The following MLLT3 variants were observed in gnomAD, a reference collection of about 807,000 sequenced individuals.
MLLT3 encodes MLLT3 super elongation complex subunit, also known as protein AF-9.
Under a neutral mutation model 53.2 loss-of-function variants are expected in MLLT3, and 4 were observed. The ratio of observed to expected loss-of-function variants is 0.08; its 90% CI spans 0.04 to 0.17. The LOEUF (loss-of-function observed/expected upper bound fraction) is 0.17, where lower values mean the gene tolerates loss of function less well. Among genes scored for constraint, MLLT3 ranks in the 10% least tolerant of loss-of-function variants. The pLI is 1.00. For synonymous variants in MLLT3, 283 were observed against 230.6 expected (o/e 1.23, Z -2.06); for missense variants, 569 against 684.0 (o/e 0.83, Z 1.87).
At chr9:20,406,324 C>T (rs544439308) in intron 5 of MLLT3, among the ~76,000 whole-genome samples, 6 of 152,092 alleles carry the variant, frequency 3.9e-5, no homozygotes, top group Non-Finnish European at 7.3e-5. Flanking sequence ...CAAAGACCAG[C>T]TCAAATTCTA....
At chr9:20,494,581 C>T (rs757100288) in intron 2 of MLLT3, among the ~76,000 whole-genome samples, 27 of 152,056 alleles carry the variant, frequency 1.8e-4, no homozygotes, top group Non-Finnish European at 3.8e-4. Context: ...ATATTCAAAA[C>T]CTATCTATTT....
intron 2 of MLLT3, among the ~76,000 whole-genome samples, chr9:20,550,484 G>A (rs572270027): frequency 6.6e-6 from 1 of 152,256 alleles, no homozygotes; most frequent in South Asian, 2.1e-4. Flanking sequence ...AGGCTGGAAT[G>A]CAGTGGCACA....
intron 2 of MLLT3, among the ~76,000 whole-genome samples, chr9:20,521,110 C>T (rs1818045844): frequency 6.6e-6 from 1 of 150,702 alleles, no homozygotes; most frequent in Admixed American, 6.6e-5. Context: ...CTTGCTCTGT[C>T]ACCCAAGCTG....
intron 5 of MLLT3, among the ~76,000 whole-genome samples, chr9:20,402,413 G>A (rs1028393341): frequency 6.6e-6 from 1 of 152,154 alleles, no homozygotes; most frequent in Non-Finnish European, 1.5e-5. Context: ...TGGTCTGAAG[G>A]ATGACTCATT....
chr9:20,548,997 T>C (rs1248497914), intron 2 of MLLT3, among the ~76,000 whole-genome samples: 1 of 151,968 alleles, frequency 6.6e-6, no homozygotes, highest in Non-Finnish European at 1.5e-5. Context: ...GTATTTTTTG[T>C]AGAGAGGGGG....
chr9:20,402,953 G>T (rs1014250190), intron 5 of MLLT3, among the ~76,000 whole-genome samples: 7 of 152,176 alleles, frequency 4.6e-5, no homozygotes, highest in African/African-American at 1.7e-4. Context: ...AAATAAGTGT[G>T]TAAGGGCTAG....
At chr9:20,353,638 G>T (rs1821092525) in intron 9 of MLLT3, 42 bp from the exon 10 acceptor site, 1 of 1,513,446 alleles carries the variant, frequency 6.6e-7, no homozygotes, top group Non-Finnish European at 9.2e-7. Context: ...AGCACTTTAA[G>T]TAGTAGTTCA....
At chr9:20,588,839 C>T (rs1820048884) in intron 2 of MLLT3, among the ~76,000 whole-genome samples, 1 of 152,052 alleles carries the variant, frequency 6.6e-6, no homozygotes, top group Admixed American at 6.5e-5. Context: ...AAAAAATGCT[C>T]ACCATCACTG....
At position 20,414,308 on chromosome 9, in the gene MLLT3, T is replaced by C. The variant is rs1275343937; in HGVS notation, c.538A>G (p.Ser180Gly). ...SSSSSSSSSS[S>G]SSSSSSSSSS... is the part of the protein sequence containing the mutation. ...CTGCTGCTGCTGCTGCTACTGCTGC[T>C]GCTACTGCTGCTGCTGCTGCTGCTG... Residue 180 changes from serine (S) to glycine (G), a missense_variant, in exon 5 of 11, where the codon AGC becomes GGC. Transcript: ENST00000380338. The C allele has an allele frequency of 6.2e-7, 1 of 1,610,268 alleles. No homozygotes were observed. Among genetic ancestry groups the C allele is most frequent in the Non-Finnish European group, 8.5e-7 (1 of 1,178,488 alleles).
intron 4 of MLLT3, among the ~76,000 whole-genome samples, chr9:20,438,949 C>T (rs1823475259): frequency 6.6e-6 from 1 of 152,100 alleles, no homozygotes; most frequent in Non-Finnish European, 1.5e-5. Context: ...CATTATTTTA[C>T]CATTTCACAC....
chr9:20,347,876 A>G lies in MLLT3; in HGVS notation c.1576-1302T>C, dbSNP rs555207730. On this transcript the variant is annotated intron_variant, in intron 10 of 10. Transcript: ENST00000380338. The stretch of plus-strand genomic sequence containing the variant: ...TATTTAATGAAGTTTTAGATTACCT[A>G]ATGCCACGCTGAGTAACAGCAGAAC... Among the ~76,000 whole-genome samples, 12 of 152,322 alleles carry G rather than the reference A, an allele frequency of 7.9e-5. No individual in the cohort carries two copies. The South Asian group carries it at 1.4e-3, about 18-fold the overall frequency.
intron 2 of MLLT3, among the ~76,000 whole-genome samples, chr9:20,514,560 A>G (rs773717640): frequency 5.3e-5 from 8 of 151,766 alleles, no homozygotes; most frequent in Non-Finnish European, 1.0e-4. Flanking sequence ...TAGGTCCCCC[A>G]TATCAAATGA....
At chr9:20,363,367 A>G in intron 7 of MLLT3, 109 bp downstream of exon 7, 1 of 1,311,064 alleles carries the variant, frequency 7.6e-7, no homozygotes, top group East Asian at 2.4e-5. Flanking sequence ...GAATGTGACC[A>G]TCTACTGCCG....
intron 2 of MLLT3, among the ~76,000 whole-genome samples, chr9:20,590,820 C>T (rs914546432): frequency 2.0e-5 from 3 of 152,112 alleles, no homozygotes; most frequent in African/African-American, 4.8e-5. Context: ...ACTGCAGCCT[C>T]GAATTCCTGG....
At chr9:20,506,761 T>C (rs1159576710) in intron 2 of MLLT3, among the ~76,000 whole-genome samples, 1 of 152,242 alleles carries the variant, frequency 6.6e-6, no homozygotes, top group Non-Finnish European at 1.5e-5. Context: ...GAACTTAGTG[T>C]TCTTACTTTT....
chr9:20,475,225 C>T (rs1329727121), intron 2 of MLLT3, among the ~76,000 whole-genome samples: 2 of 152,098 alleles, frequency 1.3e-5, no homozygotes, highest in African/African-American at 2.4e-5. Context: ...GCAGAAATGT[C>T]AGCCACTTGA....
intron 8 of MLLT3, among the ~76,000 whole-genome samples, chr9:20,356,468 A>G (rs1821173748): frequency 6.6e-6 from 1 of 152,070 alleles, no homozygotes; most frequent in Non-Finnish European, 1.5e-5. Flanking sequence ...CAGCGCTGAG[A>G]CCTAGGAGCA....
At position 20,345,680 on chromosome 9, in the gene MLLT3, T is replaced by A; in HGVS notation, c.*763A>T. On this transcript the variant is annotated 3_prime_UTR_variant, in exon 11 of 11. Coordinates refer to ENST00000380338, the MANE Select transcript of MLLT3 (RefSeq NM_004529.4). ...GACTAAGGCTAGACAGCAATTCATA[T>A]GATCCTATTTGGTGCATTTTCTACC... 1 of 216,230 alleles carries A rather than the reference T, an allele frequency of 4.6e-6. No homozygotes were observed. Among genetic ancestry groups the A allele is most frequent in the Non-Finnish European group, 9.3e-6 (1 of 107,056 alleles). The allele number at this position is 216,230 out of a possible 1,614,324, so 13.4% of individuals were successfully genotyped here.
intron 2 of MLLT3, among the ~76,000 whole-genome samples, chr9:20,526,246 G>A (rs1210144112): frequency 6.6e-6 from 1 of 152,108 alleles, no homozygotes; most frequent in Non-Finnish European, 1.5e-5. Flanking sequence ...TAGGTATACA[G>A]TTTGATGAAG....
Sources: gnomAD v4.1 joint callset for allele counts (sites outside exome capture counted in the v4.1 genomes callset) on GRCh38, gnomAD v4.1.1 for gene constraint, MANE v1.5 for transcripts, NCBI Gene and HGNC (gene_info 2026-07-23, HGNC 2026-07-21) for gene names.